The following TAS1R1 variants were observed in gnomAD, a reference collection of about 807,000 sequenced individuals.
The protein encoded by TAS1R1 is taste receptor type 1 member 1.
A neutral mutation model predicts 45.8 loss-of-function variants in TAS1R1; 31 were observed. The observed-to-expected ratio is 0.68, with a 90% CI of 0.51 to 0.91. The LOEUF is 0.91. Ranked by LOEUF, TAS1R1 falls within the 40% of genes least tolerant of loss-of-function variation. The pLI is 0.00. For missense variants in TAS1R1, 1,051 were observed against 1,063.9 expected (o/e 0.99, Z 0.17); for synonymous variants, 437 against 448.4 (o/e 0.97, Z 0.32).
At position 6,571,186 on chromosome 1, in the gene TAS1R1, G is replaced by A. The variant is rs139619592; in HGVS notation, c.469G>A (p.Ala157Thr). The change falls in exon 2 of 6, where the codon GCC becomes ACC. Residue 157 changes from alanine to threonine, a missense_variant. Transcript: ENST00000333172. ...DSTNRAATTA[A>T]LLSPFLVPMI... ...CACCAACCGTGCTGCCACCACAGCC[G>A]CCCTGCTGAGCCCTTTCCTGGTGCC... 27 of 1,579,054 alleles carry A rather than the reference G, an allele frequency of 1.7e-5. No homozygotes were observed. In the African/African-American group the frequency reaches 1.9e-4, roughly 11 times the overall value.
intron 1 of TAS1R1, among the ~76,000 whole-genome samples, chr1:6,561,347 T>C (rs1639784540): frequency 6.6e-6 from 1 of 152,196 alleles, no homozygotes; most frequent in Non-Finnish European, 1.5e-5. Flanking sequence ...CCTAAGAAGA[T>C]GCGCAGTCCA....
chr1:6,570,138 TA>T (rs1639974112), intron 1 of TAS1R1, among the ~76,000 whole-genome samples: 1 of 151,404 alleles, frequency 6.6e-6, no homozygotes, highest in Non-Finnish European at 1.5e-5. Context: ...AAAGAACGAG[TA>T]GACCCAAAGT....
At position 6,574,998 on chromosome 1, in the gene TAS1R1, T is replaced by C; in HGVS notation, c.866T>C (p.Leu289Pro). Residue 289 changes from leucine to proline, a missense_variant, in exon 3 of 6, where the codon CTG (leucine) becomes CCG (proline). By Grantham distance (98) the Leu-to-Pro change is moderately conservative. Coordinates refer to ENST00000333172, the MANE Select transcript of TAS1R1 (RefSeq NM_138697.4). The surrounding 1 kb of genome is among the most constrained non-coding windows in gnomAD (Gnocchi z 4.3). ...LARVFFESVV[L>P]TNLTGKVWVA... ...AGGGTGTTTTTCGAGTCCGTGGTGC[T>C]GACCAACCTGACTGGCAAGGTGTGG... is the stretch of plus-strand genomic sequence containing the variant. 1.3e-6 allele frequency: 2 copies of C among 1,593,142 alleles called. No individual in the cohort carries two copies. The highest frequency in any genetic ancestry group is 1.7e-6 in the Non-Finnish European group (2 of 1,167,894).
At chr1:6,561,744 G>A (rs932259502) in intron 1 of TAS1R1, among the ~76,000 whole-genome samples, 1 of 151,396 alleles carries the variant, frequency 6.6e-6, no homozygotes, top group Admixed American at 6.6e-5. Context: ...ATTTGGGATT[G>A]GAGAGTAAGG....
rs778682214 is a variant in TAS1R1, at chr1:6,576,507, A to C, written c.1353A>C (p.Ile451=). The C allele has an allele frequency of 6.2e-7, 1 of 1,614,232 alleles. No homozygotes were observed. Among genetic ancestry groups the C allele is most frequent in the East Asian group, 2.2e-5 (1 of 44,894 alleles). The part of the protein sequence containing the change: ...DNRDPLSSYN[I]IAWDWNGPKW... ...GAGATCCCCTCAGTAGCTATAACAT[A>C]ATTGCCTGGGACTGGAATGGACCCA... Residue 451 remains isoleucine (I), a synonymous_variant, in exon 4 of 6, where the codon ATA becomes ATC. Transcript: ENST00000333172.
At chr1:6,569,143 G>A (rs1396081082) in intron 1 of TAS1R1, among the ~76,000 whole-genome samples, 2 of 151,164 alleles carry the variant, frequency 1.3e-5, no homozygotes, top group Non-Finnish European at 2.9e-5. Flanking sequence ...ACAGGAACGG[G>A]GACGTAAGGT....
chr1:6,570,444 CA>C (rs35825229), intron 1 of TAS1R1, among the ~76,000 whole-genome samples: 1,056 of 98,484 alleles, frequency 0.011, 10 homozygotes, highest in African/African-American at 0.035. Context: ...TAACACATCT[CA>C]AAAAAAAAAA....
chr1:6,556,200 T>A (rs1639681289), intron 1 of TAS1R1, among the ~76,000 whole-genome samples: 1 of 151,902 alleles, frequency 6.6e-6, no homozygotes, highest in Admixed American at 6.6e-5. Flanking sequence ...TTCTCTCCAC[T>A]CCTACCCATG....
rs1369215917 is a variant in TAS1R1 at position 6,575,097 on chromosome 1, TGGG to T, written c.966_968del (p.Gly323del). 1.3e-6 allele frequency: 2 copies of T among 1,588,038 alleles called. No individual in the cohort carries two copies. The highest frequency in any genetic ancestry group is 1.7e-6 in the Non-Finnish European group (2 of 1,167,044). ...GGGATCCAGCGCATTGGGATGGTGC[TGGG>T]CGTGGCCATCCAGAAGAGGGCTGTC... is the stretch of plus-strand genomic sequence containing the variant. On this transcript the variant is annotated inframe_deletion, in exon 3 of 6. Transcript: ENST00000333172.
intron 1 of TAS1R1, among the ~76,000 whole-genome samples, chr1:6,570,304 G>GA (rs938428580): frequency 1.3e-5 from 2 of 152,204 alleles, no homozygotes; most frequent in African/African-American, 4.8e-5. Flanking sequence ...GATGTTAGGG[G>GA]AAAAAACAAC....
intron 5 of TAS1R1, among the ~76,000 whole-genome samples, chr1:6,578,082 GA>G (rs995637606): frequency 3.9e-5 from 6 of 152,264 alleles, no homozygotes; most frequent in Non-Finnish European, 5.9e-5. Flanking sequence ...CTGCAGCAGA[GA>G]AAAAAACAGC....
chr1:6,578,749 A>C lies in TAS1R1; in HGVS notation c.1691A>C (p.Glu564Ala). 2 of 1,614,004 alleles carry C rather than the reference A, an allele frequency of 1.2e-6. No individual in the cohort carries two copies. The highest frequency in any genetic ancestry group is 8.5e-7 in the Non-Finnish European group (1 of 1,179,954). The change falls in exon 6 of 6, where the codon GAG (glutamate) becomes GCG (alanine). Residue 564 changes from glutamate to alanine, a missense_variant. Physicochemically the swap from Glu to Ala is moderately radical, Grantham distance 107 (BLOSUM62 -1). Coordinates refer to ENST00000333172, the MANE Select transcript of TAS1R1 (RefSeq NM_138697.4). ...PRTVVFLALR[E>A]HTSWVLLAAN... is the part of the protein sequence containing the mutation. The stretch of plus-strand genomic sequence containing the variant: ...ACTGTGGTGTTTTTGGCTTTGCGTG[A>C]GCACACCTCTTGGGTGCTGCTGGCA...
Position 6,579,590 on chromosome 1 carries a change from G to GCCT in TAS1R1, c.*6_*7insCCT, listed in dbSNP as rs750055231. On this transcript the variant is annotated 3_prime_UTR_variant, in exon 6 of 6. Transcript: ENST00000333172. Reference sequence around the variant, plus strand: ...GGCGCTGCGGCTCCACCTGACCAGTGGGTCAGCAGGCACGGCTGGCAGCCT... The same window carrying GCCT: ...GGCGCTGCGGCTCCACCTGACCAGTGCCTGGTCAGCAGGCACGGCTGGCAGCCT... The GCCT allele has an allele frequency of 6.9e-6, 11 of 1,593,712 alleles. No individual in the cohort carries two copies. The highest frequency in any genetic ancestry group is 4.3e-6 in the Non-Finnish European group (5 of 1,172,008).
intron 1 of TAS1R1, among the ~76,000 whole-genome samples, chr1:6,565,808 T>C (rs1415232621): frequency 1.3e-5 from 2 of 152,104 alleles, no homozygotes; most frequent in African/African-American, 4.8e-5. Flanking sequence ...GGCTGCTTCA[T>C]AGAGGGGGCT....
chr1:6,579,062 A>G lies in TAS1R1; in HGVS notation c.2004A>G (p.Thr668=), dbSNP rs1397832337. The change falls in exon 6 of 6, where the codon ACA becomes ACG. Residue 668 remains threonine (T), a synonymous_variant. Coordinates refer to ENST00000333172, the MANE Select transcript of TAS1R1 (RefSeq NM_138697.4). ...TCAAGTTTTCCACCAAGGTACCTAC[A>G]TTCTACCACGCCTGGGTCCAAAACC... is the stretch of plus-strand genomic sequence containing the variant. ...IIFKFSTKVP[T]FYHAWVQNHG... 1.2e-6 allele frequency: 2 copies of G among 1,613,176 alleles called. No homozygotes were observed. The highest frequency in any genetic ancestry group is 1.7e-6 in the Non-Finnish European group (2 of 1,179,298).
Position 6,579,072 on chromosome 1 carries a change from G to T in TAS1R1, c.2014G>T (p.Ala672Ser), listed in dbSNP as rs372202898. 6.2e-6 allele frequency: 10 copies of T among 1,613,442 alleles called. No homozygotes were observed. Among genetic ancestry groups the T allele is most frequent in the Non-Finnish European group, 6.8e-6 (8 of 1,179,596 alleles). Residue 672 changes from alanine (A) to serine (S), a missense_variant, in exon 6 of 6, where the codon GCC becomes TCC. Coordinates refer to ENST00000333172, the MANE Select transcript of TAS1R1 (RefSeq NM_138697.4). ...CACCAAGGTACCTACATTCTACCAC[G>T]CCTGGGTCCAAAACCACGGTGCTGG... Reference protein sequence around the residue: ...FSTKVPTFYHAWVQNHGAGLF... With the variant: ...FSTKVPTFYHSWVQNHGAGLF...
At chr1:6,568,666 G>T (rs1310842810) in intron 1 of TAS1R1, among the ~76,000 whole-genome samples, 3 of 152,136 alleles carry the variant, frequency 2.0e-5, no homozygotes, top group Admixed American at 2.0e-4. Context: ...ATGTGGTTAT[G>T]GGATGCCCGG....
chr1:6,573,468 A>G (rs1466744419), intron 2 of TAS1R1, among the ~76,000 whole-genome samples: 1 of 152,002 alleles, frequency 6.6e-6, no homozygotes. Flanking sequence ...GAAAGAAAAG[A>G]AAAAATGCAA....
chr1:6,578,557 C>A, intron 5 of TAS1R1, 96 bp from the exon 6 acceptor site: 1 of 1,506,468 alleles, frequency 6.6e-7, no homozygotes, highest in Non-Finnish European at 8.9e-7. Context: ...AGTCTAGCTG[C>A]CCTGGTACAA....
Sources: allele counts gnomAD v4.1 joint callset (sites outside exome capture counted in the v4.1 genomes callset), GRCh38; gene constraint gnomAD v4.1.1; non-coding constraint Gnocchi (gnomAD v3.1); transcripts MANE v1.5; gene names NCBI Gene and HGNC (gene_info 2026-07-23, HGNC 2026-07-21).